MAST4: variants seen among roughly 807,000 people sequenced by gnomAD.
MAST4 encodes microtubule-associated serine/threonine-protein kinase 4.
Under a neutral mutation model 162.7 loss-of-function variants are expected in MAST4, and 89 were observed. That is an observed-to-expected ratio of 0.55 (90% CI 0.46 to 0.65). The LOEUF (loss-of-function observed/expected upper bound fraction) is 0.65, where lower values mean the gene tolerates loss of function less well. Ranked by LOEUF, MAST4 falls within the 30% of genes least tolerant of loss-of-function variation. The probability of loss-of-function intolerance (pLI) is 0.00; values close to 1 mark genes in which losing one functional copy is unlikely to be tolerated. For synonymous variants in MAST4, 1,479 were observed against 1,361.1 expected (o/e 1.09, Z -1.91); for missense variants, 3,153 against 3,374.0 (o/e 0.93, Z 1.62).
At chr5:66,745,636 G>A (rs1450184066) in intron 1 of MAST4, among the ~76,000 whole-genome samples, 1 of 152,134 alleles carries the variant, frequency 6.6e-6, no homozygotes, top group African/African-American at 2.4e-5. Flanking sequence ...AGCTAACAAG[G>A]TAAGGAAAAT....
chr5:66,832,481 T>G (rs1000653637), intron 3 of MAST4, among the ~76,000 whole-genome samples: 4 of 151,590 alleles, frequency 2.6e-5, no homozygotes, highest in Non-Finnish European at 5.9e-5. Flanking sequence ...AAAGATAACA[T>G]TCTTACGCTG....
chr5:67,066,244 A>T (rs1760216100), intron 5 of MAST4, among the ~76,000 whole-genome samples: 1 of 152,196 alleles, frequency 6.6e-6, no homozygotes, highest in South Asian at 2.1e-4. Flanking sequence ...TTGAAAAATC[A>T]TCTATATTGT....
intron 6 of MAST4, among the ~76,000 whole-genome samples, chr5:67,094,423 A>G (rs1764206147): frequency 6.6e-6 from 1 of 152,196 alleles, no homozygotes; most frequent in African/African-American, 2.4e-5. Flanking sequence ...ATCCCTGGTA[A>G]ATTTTGTCCA....
chr5:66,703,159 G>A (rs975547806), intron 1 of MAST4, among the ~76,000 whole-genome samples: 5 of 152,150 alleles, frequency 3.3e-5, no homozygotes, highest in Admixed American at 6.5e-5. Context: ...GAGGGGAGTA[G>A]GGGGTAGGAG....
intron 3 of MAST4, among the ~76,000 whole-genome samples, chr5:66,808,845 G>A (rs771288564): frequency 3.9e-5 from 6 of 152,194 alleles, no homozygotes; most frequent in Non-Finnish European, 8.8e-5. Flanking sequence ...AGGCACCTGT[G>A]TTCTACTGGA....
chr5:66,938,950 T>C (rs1743058777), intron 4 of MAST4, among the ~76,000 whole-genome samples: 1 of 152,186 alleles, frequency 6.6e-6, no homozygotes, highest in South Asian at 2.1e-4. Context: ...TTCAGTTTTT[T>C]AGTATAATAC....
At chr5:66,660,740 G>T (rs1298097297) in intron 1 of MAST4, among the ~76,000 whole-genome samples, 1 of 152,030 alleles carries the variant, frequency 6.6e-6, no homozygotes, top group Non-Finnish European at 1.5e-5. Context: ...TTTTTTGATG[G>T]TAGCAAATAT....
chr5:67,142,366 A>G, intron 20 of MAST4, 55 bp from the exon 21 acceptor site: 1 of 1,515,174 alleles, frequency 6.6e-7, no homozygotes, highest in Admixed American at 1.9e-5. Flanking sequence ...TAATTAAAAT[A>G]TCTAAATGTT....
In MAST4 at chr5:67,166,630, C is replaced by A. The variant is rs1359739725; in HGVS notation, c.7451C>A (p.Ser2484Tyr). ...EASAASSDTSSAKAAGGMLEL... is the reference protein window; with the variant it reads ...EASAASSDTSYAKAAGGMLEL... ...TCTGCAGCCAGCAGCGACACCTCTT[C>A]TGCCAAGGCCGCCGGGGGCATGCTG... Residue 2484 changes from serine to tyrosine, a missense_variant, in exon 29 of 29, where the codon TCT (serine) becomes TAT (tyrosine). Ser to Tyr is a moderately radical substitution (Grantham distance 144). Coordinates refer to ENST00000403625, the MANE Select transcript of MAST4 (RefSeq NM_001164664.2). 3 of 1,601,268 alleles carry A rather than the reference C, an allele frequency of 1.9e-6. No homozygotes were observed. Among genetic ancestry groups the A allele is most frequent in the African/African-American group, 1.3e-5 (1 of 74,754 alleles).
At chr5:66,607,007 G>A (rs1178121123) in intron 1 of MAST4, among the ~76,000 whole-genome samples, 1 of 151,590 alleles carries the variant, frequency 6.6e-6, no homozygotes, top group East Asian at 1.9e-4. Context: ...TTTCACACAA[G>A]CCTTTTTGAA....
intron 1 of MAST4, among the ~76,000 whole-genome samples, chr5:66,734,362 G>C (rs566748289): frequency 6.6e-6 from 1 of 152,280 alleles, no homozygotes; most frequent in Non-Finnish European, 1.5e-5. Context: ...TGGTTTGGAA[G>C]CTCCTGAACT....
chr5:66,982,078 A>G (rs1036715868), intron 4 of MAST4, among the ~76,000 whole-genome samples: 5 of 152,216 alleles, frequency 3.3e-5, no homozygotes, highest in African/African-American at 1.2e-4. Context: ...AAAGATGAGG[A>G]AATCAGGATT....
chr5:66,811,040 G>A (rs1040641172), intron 3 of MAST4, among the ~76,000 whole-genome samples: 4 of 152,296 alleles, frequency 2.6e-5, no homozygotes, highest in South Asian at 2.1e-4. Flanking sequence ...AATGGCTTTC[G>A]GGAATAGAGC....
intron 3 of MAST4, among the ~76,000 whole-genome samples, chr5:66,889,484 CCTT>C (rs1377134785): frequency 1.6e-4 from 25 of 152,282 alleles, no homozygotes; most frequent in African/African-American, 6.0e-4. Flanking sequence ...TGTTTGATCT[CCTT>C]CTGCTAAAGT....
intron 2 of MAST4, 58 bp downstream of exon 2, chr5:66,759,920 T>C (rs72761236): frequency 0.015 from 23,476 of 1,590,236 alleles, 221 homozygotes; most frequent in Non-Finnish European, 0.017. Flanking sequence ...AGGTCCTGCA[T>C]GGCCCCAGAG....
intron 10 of MAST4, among the ~76,000 whole-genome samples, chr5:67,107,683 C>T (rs1412064369): frequency 2.0e-5 from 3 of 152,198 alleles, no homozygotes; most frequent in African/African-American, 7.2e-5. Flanking sequence ...CCATTTTTCC[C>T]ATTGTCTGTC....
chr5:66,780,191 C>T (rs575174569), intron 2 of MAST4, among the ~76,000 whole-genome samples: 46 of 152,268 alleles, frequency 3.0e-4, no homozygotes, highest in African/African-American at 9.9e-4. Context: ...CAAACTGAAA[C>T]TTTGTACCCA....
intron 5 of MAST4, among the ~76,000 whole-genome samples, chr5:67,055,954 C>A (rs1036618284): frequency 1.3e-5 from 2 of 150,150 alleles, no homozygotes; most frequent in South Asian, 4.2e-4. Flanking sequence ...ATTATGTAAG[C>A]CTTTCATATA....
chr5:67,002,963 C>A (rs1010617510), intron 4 of MAST4, among the ~76,000 whole-genome samples: 4 of 149,252 alleles, frequency 2.7e-5, no homozygotes, highest in African/African-American at 9.9e-5. Context: ...TCTAGTAGGT[C>A]GAGGTCAGCA....
Sources: allele counts gnomAD v4.1 joint callset (sites outside exome capture counted in the v4.1 genomes callset), GRCh38; gene constraint gnomAD v4.1.1; transcripts MANE v1.5; gene names NCBI Gene and HGNC (gene_info 2026-07-23, HGNC 2026-07-21).